The following LMTK2 variants were observed in gnomAD, a reference collection of about 807,000 sequenced individuals.
The protein encoded by LMTK2 is lemur tail kinase 2.
LMTK2 carries 37 observed loss-of-function variants against 127.5 expected under a neutral mutation model. That is an observed-to-expected ratio of 0.29 (90% CI 0.22 to 0.38). The LOEUF (loss-of-function observed/expected upper bound fraction) is 0.38. LMTK2 is among the 10% of genes least tolerant of loss of function. The pLI is 1.00. For synonymous variants in LMTK2, 819 were observed against 810.1 expected (o/e 1.01, Z -0.19); for missense variants, 1,694 against 1,920.3 (o/e 0.88, Z 2.20).
chr7:98,198,692 C>T (rs970677895), intron 11 of LMTK2, among the ~76,000 whole-genome samples: 2 of 152,232 alleles, frequency 1.3e-5, no homozygotes, highest in South Asian at 4.2e-4. Context: ...GTTGCCCAGG[C>T]TGGTCTCGAA....
intron 1 of LMTK2, among the ~76,000 whole-genome samples, chr7:98,112,910 G>A (rs1050736043): frequency 6.6e-6 from 1 of 152,196 alleles, no homozygotes; most frequent in African/African-American, 2.4e-5. Flanking sequence ...AGGCTGGAGT[G>A]CAATGGCACA....
chr7:98,141,316 A>G, intron 2 of LMTK2, 81 bp from the exon 3 acceptor site: 1 of 1,313,134 alleles, frequency 7.6e-7, no homozygotes, highest in Non-Finnish European at 1.1e-6. Flanking sequence ...TTGTGGCAGC[A>G]AGTTCCAAAT....
At chr7:98,153,539 C>T (rs1207783488) in intron 4 of LMTK2, among the ~76,000 whole-genome samples, 2 of 152,148 alleles carry the variant, frequency 1.3e-5, no homozygotes, top group African/African-American at 2.4e-5. Context: ...AAAGAGGAGA[C>T]GGTGCATTTA....
chr7:98,113,560 C>T (rs1796234453), intron 1 of LMTK2, among the ~76,000 whole-genome samples: 1 of 152,080 alleles, frequency 6.6e-6, no homozygotes, highest in African/African-American at 2.4e-5. Context: ...CGCACCTGGC[C>T]CTTTCTCATT....
intron 3 of LMTK2, among the ~76,000 whole-genome samples, chr7:98,144,956 C>A (rs886169764): frequency 1.3e-5 from 2 of 151,990 alleles, no homozygotes; most frequent in African/African-American, 2.4e-5. Context: ...GTTTCTAATG[C>A]GAAAACAAAT....
intron 1 of LMTK2, among the ~76,000 whole-genome samples, chr7:98,131,544 A>G (rs1377648390): frequency 2.0e-5 from 3 of 150,732 alleles, no homozygotes; most frequent in Non-Finnish European, 4.4e-5. Context: ...CAGGTTTGAT[A>G]TTGTTTTTGT....
chr7:98,174,303 T>A (rs1434755929), intron 7 of LMTK2, among the ~76,000 whole-genome samples: 1 of 152,162 alleles, frequency 6.6e-6, no homozygotes, highest in Non-Finnish European at 1.5e-5. Flanking sequence ...CATGTCCAAT[T>A]AAAGTTCTTA....
Position 98,140,130 on chromosome 7 carries a change from C to G in LMTK2, c.232-1267C>G, listed in dbSNP as rs867914506. 9.5e-3 allele frequency among the ~76,000 whole-genome samples: 340 copies of G among 35,702 alleles called. 57 individuals are homozygous for G. The highest frequency in any genetic ancestry group is 0.04 in the Middle Eastern group (2 of 50). 23.4% of individuals were successfully genotyped at this position (35,702 alleles called of 152,430 possible). On this transcript the variant is annotated intron_variant, in intron 2 of 13. Coordinates refer to ENST00000297293, the MANE Select transcript of LMTK2 (RefSeq NM_014916.4). Reference sequence around the variant, plus strand: ...TCTTTCTTTCTTTCTTTCTTTCTTTCTTTCTTTCTTTCTTTTCTTTTCTTT... The same window carrying G: ...TCTTTCTTTCTTTCTTTCTTTCTTTGTTTCTTTCTTTCTTTTCTTTTCTTT...
Position 98,203,980 on chromosome 7 carries a change from A to T in LMTK2, c.4277A>T (p.Asp1426Val). ...GAGTGGGATGATGACTTCTCCCCAG[A>T]TCCTTTTATGTCAAAGACAACAAGT... ...GFEWDDDFSP[D>V]PFMSKTTSNL... The change falls in exon 13 of 14, where the codon GAT becomes GTT. Residue 1426 changes from aspartate (D) to valine (V), a missense_variant. Physicochemically the swap from Asp to Val is radical, Grantham distance 152 (BLOSUM62 -3). Transcript: ENST00000297293. The T allele has an allele frequency of 6.2e-7, 1 of 1,614,044 alleles. No homozygotes were observed. Among genetic ancestry groups the T allele is most frequent in the South Asian group, 1.1e-5 (1 of 91,068 alleles).
intron 1 of LMTK2, among the ~76,000 whole-genome samples, chr7:98,115,291 C>T (rs1428845290): frequency 6.6e-6 from 1 of 151,954 alleles, no homozygotes; most frequent in African/African-American, 2.4e-5. Flanking sequence ...TGGCACACTC[C>T]TAAAGTCTCA....
At chr7:98,118,858 C>T (rs375486674) in intron 1 of LMTK2, among the ~76,000 whole-genome samples, 1 of 152,058 alleles carries the variant, frequency 6.6e-6, no homozygotes, top group African/African-American at 2.4e-5. Flanking sequence ...TTTGGGAAAC[C>T]GAGGCAGGCA....
intron 6 of LMTK2, among the ~76,000 whole-genome samples, chr7:98,170,352 G>T (rs1195909679): frequency 6.6e-6 from 1 of 152,132 alleles, no homozygotes; most frequent in Non-Finnish European, 1.5e-5. Flanking sequence ...TTAGATTCTT[G>T]GAGTGGACCT....
At chr7:98,198,320 A>G (rs1797660184) in intron 11 of LMTK2, among the ~76,000 whole-genome samples, 1 of 150,640 alleles carries the variant, frequency 6.6e-6, no homozygotes, top group African/African-American at 2.5e-5. Context: ...CCTCCTCAAT[A>G]GCTGGGATTA....
intron 5 of LMTK2, among the ~76,000 whole-genome samples, chr7:98,158,893 A>G (rs371365448): frequency 6.6e-6 from 1 of 152,152 alleles, no homozygotes; most frequent in African/African-American, 2.4e-5. Context: ...TTAAATTACT[A>G]AAGATAAAAA....
At chr7:98,129,599 C>T (rs1259500541) in intron 1 of LMTK2, among the ~76,000 whole-genome samples, 1 of 152,040 alleles carries the variant, frequency 6.6e-6, no homozygotes, top group Non-Finnish European at 1.5e-5. Flanking sequence ...CTCCTGGGCT[C>T]AAGTGATCCT....
intron 6 of LMTK2, among the ~76,000 whole-genome samples, chr7:98,167,855 G>T (rs951192198): frequency 6.6e-6 from 1 of 152,198 alleles, no homozygotes; most frequent in African/African-American, 2.4e-5. Context: ...AGAGCCAGTG[G>T]GGGGGCCGAG....
At chr7:98,186,727 GC>G in intron 8 of LMTK2, 149 bp from the exon 9 acceptor site, 1 of 642,914 alleles carries the variant, frequency 1.6e-6, no homozygotes. Context: ...CCCACTTTCT[GC>G]CCAGAAAGTC....
At chr7:98,196,920 G>A (rs1495525) in intron 11 of LMTK2, among the ~76,000 whole-genome samples, 61,821 of 152,038 alleles carry the variant, frequency 0.41, 13,020 homozygotes, top group South Asian at 0.52. Flanking sequence ...TTGCTTATGC[G>A]TCTCATGCAG....
chr7:98,114,853 A>AT (rs936516245), intron 1 of LMTK2, among the ~76,000 whole-genome samples: 5 of 151,496 alleles, frequency 3.3e-5, no homozygotes, highest in African/African-American at 7.3e-5. Context: ...CCATCTTTTT[A>AT]TTTTTTTTAA....
Sources: gnomAD v4.1 joint callset for allele counts (sites outside exome capture counted in the v4.1 genomes callset) on GRCh38, gnomAD v4.1.1 for gene constraint, MANE v1.5 for transcripts, NCBI Gene and HGNC (gene_info 2026-07-23, HGNC 2026-07-21) for gene names.